The following NEMP2 variants were observed in gnomAD, a reference collection of about 807,000 sequenced individuals.
The protein encoded by NEMP2 is UPF0571 transmembrane protein.
In NEMP2, 53 loss-of-function variants were observed where a neutral mutation model predicts 54.2. The observed-to-expected ratio is 0.98, with a 90% CI of 0.78 to 1.23. The LOEUF (loss-of-function observed/expected upper bound fraction) is 1.23. NEMP2 is among the 50% of genes most tolerant of loss of function. The pLI, the probability that NEMP2 is intolerant of heterozygous loss-of-function variation, is 0.00. For missense variants in NEMP2, 455 were observed against 511.3 expected (o/e 0.89, Z 1.06); for synonymous variants, 197 against 190.3 (o/e 1.04, Z -0.29).
At position 190,533,730 on chromosome 2, in the gene NEMP2, GTAGA is replaced by G. The variant is rs1436598777; in HGVS notation, c.97+825_97+828del. On this transcript the variant is annotated intron_variant, in intron 1 of 8. Transcript: ENST00000409150. This position sits in a 1 kb window ranked among gnomAD's most constrained non-coding sequence, Gnocchi z 4.3. ...TAGCCAAAGCAAGGAAGGGAAGTTG[GTAGA>G]CAGTGCACCCAGGAAATCTTTTAAA... Among the ~76,000 whole-genome samples, 4 of 152,168 alleles carry G rather than the reference GTAGA, an allele frequency of 2.6e-5. No individual in the cohort carries two copies. In the East Asian group the frequency reaches 7.7e-4, roughly 29 times the overall value.
chr2:190,550,649 T>C, the NEMP2 span, among the ~76,000 whole-genome samples: 1 of 152,208 alleles, frequency 6.6e-6, no homozygotes, highest in Non-Finnish European at 1.5e-5. This position sits in a 1 kb window ranked among gnomAD's most constrained non-coding sequence, Gnocchi z 4.7. Context: ...CCTTCTCTAT[T>C]TTTTAATAGC....
chr2:190,477,871 A>G, the NEMP2 span, among the ~76,000 whole-genome samples: 1 of 152,164 alleles, frequency 6.6e-6, no homozygotes, highest in Non-Finnish European at 1.5e-5. Flanking sequence ...ATTCCCTACA[A>G]AAATCACATA....
In NEMP2 at chr2:190,505,887, G is replaced by A. The variant is rs956219857; in HGVS notation, c.*3302C>T. The stretch of plus-strand genomic sequence containing the variant: ...ACAAGGCTAGCCCCACTGGGGTGGG[G>A]GGTGGCATCTGCATCAAACTCTTTG... On this transcript the variant is annotated 3_prime_UTR_variant, in exon 9 of 9. Transcript: ENST00000409150. This position sits in a 1 kb window ranked among gnomAD's most constrained non-coding sequence, Gnocchi z 5.8. 1.3e-5 allele frequency: 2 copies of A among 152,172 alleles called. No individual in the cohort carries two copies. The highest frequency in any genetic ancestry group is 2.1e-4 in the South Asian group (1 of 4,810). 9.4% of individuals were successfully genotyped at this position (152,172 alleles called of 1,614,324 possible).
At chr2:190,597,285 AT>A in the NEMP2 span, among the ~76,000 whole-genome samples, 1 of 151,356 alleles carries the variant, frequency 6.6e-6, no homozygotes, top group Non-Finnish European at 1.5e-5. The surrounding 1 kb of genome is among the most constrained non-coding windows in gnomAD (Gnocchi z 4.7). Context: ...AAGCTTTCTA[AT>A]TTCTAAAATA....
the NEMP2 span, among the ~76,000 whole-genome samples, chr2:190,634,236 C>T: frequency 6.6e-6 from 1 of 152,074 alleles, no homozygotes; most frequent in South Asian, 2.1e-4. This position sits in a 1 kb window ranked among gnomAD's most constrained non-coding sequence, Gnocchi z 6.8. Flanking sequence ...CAAAACATTA[C>T]CAATATAACT....
chr2:190,601,192 C>T, the NEMP2 span, among the ~76,000 whole-genome samples: 1 of 152,090 alleles, frequency 6.6e-6, no homozygotes, highest in African/African-American at 2.4e-5. This position sits in a 1 kb window ranked among gnomAD's most constrained non-coding sequence, Gnocchi z 5.8. Flanking sequence ...GAGACAGTCA[C>T]ATATACAGAG....
At chr2:190,542,857 A>G in the NEMP2 span, among the ~76,000 whole-genome samples, 2 of 152,206 alleles carry the variant, frequency 1.3e-5, no homozygotes, top group African/African-American at 4.8e-5. The surrounding 1 kb of genome is among the most constrained non-coding windows in gnomAD (Gnocchi z 4.6). Context: ...GAAAGTTCAC[A>G]TAGCACTGTT....
chr2:190,621,890 C>T, the NEMP2 span, among the ~76,000 whole-genome samples: 1,184 of 152,262 alleles, frequency 7.8e-3, 18 homozygotes, highest in African/African-American at 0.026. Flanking sequence ...TGGTGACTCA[C>T]CCGAGGTCAG....
the NEMP2 span, among the ~76,000 whole-genome samples, chr2:190,645,911 T>C: frequency 6.6e-6 from 1 of 152,382 alleles, no homozygotes; most frequent in South Asian, 2.1e-4. Context: ...TAGACTTCCT[T>C]CTGTTCTCCT....
Position 190,514,560 on chromosome 2 carries a change from C to A in NEMP2, c.846G>T (p.Leu282=). 1.3e-6 allele frequency: 2 copies of A among 1,551,726 alleles called. No homozygotes were observed. The highest frequency in any genetic ancestry group is 2.4e-5 in the South Asian group (2 of 84,054). ...MWMLRLLSLV[L]VYAGVAVPQF... ...GAGGCACGGCCACACCAGCATAGAC[C>A]AGAACCAGGGAGAGGAGTCGCAGCA... The change falls in exon 7 of 9, where the codon CTG becomes CTT. Residue 282 remains leucine, a synonymous_variant. Transcript: ENST00000409150. The surrounding 1 kb of genome is among the most constrained non-coding windows in gnomAD (Gnocchi z 5.7).
chr2:190,588,687 G>C, the NEMP2 span, among the ~76,000 whole-genome samples: 53 of 152,244 alleles, frequency 3.5e-4, 1 homozygote, highest in East Asian at 9.4e-3. The surrounding 1 kb of genome is among the most constrained non-coding windows in gnomAD (Gnocchi z 5.0). Flanking sequence ...AGGAATTGAT[G>C]CTTGTACTTG....
chr2:190,427,037 G>A, the NEMP2 span, among the ~76,000 whole-genome samples: 1 of 152,176 alleles, frequency 6.6e-6, no homozygotes, highest in Non-Finnish European at 1.5e-5. Context: ...TCCTCACATG[G>A]CCTTCAGTGA....
Position 190,521,812 on chromosome 2 carries a change from C to T in NEMP2, c.214-2629G>A, listed in dbSNP as rs1690758951. Among the ~76,000 whole-genome samples the T allele has an allele frequency of 6.6e-6, 1 of 152,130 alleles. No individual in the cohort carries two copies. The highest frequency in any genetic ancestry group is 2.4e-5 in the African/African-American group (1 of 41,422). ...TTCCCTTCTCCTTATTATACTTCTC[C>T]CTAGGGCTTCCAGGACATCTTCATT... is the stretch of plus-strand genomic sequence containing the variant. On this transcript the variant is annotated intron_variant, in intron 2 of 8. Coordinates refer to ENST00000409150, the MANE Select transcript of NEMP2 (RefSeq NM_001142645.2). This position sits in a 1 kb window ranked among gnomAD's most constrained non-coding sequence, Gnocchi z 6.2.
chr2:190,478,981 G>A, the NEMP2 span, among the ~76,000 whole-genome samples: 6 of 152,116 alleles, frequency 3.9e-5, no homozygotes, highest in Non-Finnish European at 5.9e-5. Context: ...TATAGCCCCC[G>A]CTACCCAGCC....
chr2:190,510,371 T>G lies in NEMP2; in HGVS notation c.1120A>C (p.Thr374Pro), dbSNP rs1211868174. 1.3e-6 allele frequency: 2 copies of G among 1,551,412 alleles called. No individual in the cohort carries two copies. Among genetic ancestry groups the G allele is most frequent in the East Asian group, 4.9e-5 (2 of 40,914 alleles). The change falls in exon 8 of 9, where the codon ACT becomes CCT. Residue 374 changes from threonine (T) to proline (P), a missense_variant. Thr to Pro is a conservative substitution (Grantham distance 38). Transcript: ENST00000409150. The surrounding 1 kb of genome is among the most constrained non-coding windows in gnomAD (Gnocchi z 5.7). ...CAGAGCGGGACTTACTTGCTAGGAGTGTGGAGTCTGGAGACGACCAGCCAT... is the reference window on the plus strand; with the variant it reads ...CAGAGCGGGACTTACTTGCTAGGAGGGTGGAGTCTGGAGACGACCAGCCAT... ...PSWLVVSRLHTPSKFADFVLG... is the reference protein window; with the variant it reads ...PSWLVVSRLHPPSKFADFVLG...
the NEMP2 span, among the ~76,000 whole-genome samples, chr2:190,578,048 G>A: frequency 6.6e-6 from 1 of 152,152 alleles, no homozygotes; most frequent in Non-Finnish European, 1.5e-5. The surrounding 1 kb of genome is among the most constrained non-coding windows in gnomAD (Gnocchi z 4.4). Flanking sequence ...TAACTTTCCA[G>A]TTGGACATAA....
the NEMP2 span, among the ~76,000 whole-genome samples, chr2:190,554,372 C>T: frequency 6.6e-6 from 1 of 152,306 alleles, no homozygotes; most frequent in Admixed American, 6.5e-5. This position sits in a 1 kb window ranked among gnomAD's most constrained non-coding sequence, Gnocchi z 5.7. Context: ...GCAGGTCCCA[C>T]CCCCACAGAG....
At chr2:190,431,026 G>A in the NEMP2 span, among the ~76,000 whole-genome samples, 4,407 of 115,996 alleles carry the variant, frequency 0.038, 90 homozygotes, top group Non-Finnish European at 0.064. This position sits in a 1 kb window ranked among gnomAD's most constrained non-coding sequence, Gnocchi z 4.4. Context: ...CCTCCCAGAC[G>A]GGGTCGCGGC....
At chr2:190,532,488 C>T (rs1574320460) in intron 1 of NEMP2, among the ~76,000 whole-genome samples, 1 of 152,296 alleles carries the variant, frequency 6.6e-6, no homozygotes, top group Non-Finnish European at 1.5e-5. Context: ...TTCTAGGGAC[C>T]TCACTAACTG....
Sources: gnomAD v4.1 joint callset for allele counts (sites outside exome capture counted in the v4.1 genomes callset) on GRCh38, gnomAD v4.1.1 for gene constraint, Gnocchi (gnomAD v3.1) non-coding constraint, MANE v1.5 for transcripts, NCBI Gene and HGNC (gene_info 2026-07-23, HGNC 2026-07-21) for gene names.